AGBL4: variants seen among roughly 807,000 people sequenced by gnomAD.
AGBL4 encodes the protein cytosolic carboxypeptidase 6.
AGBL4 carries 58 observed loss-of-function variants against 66.4 expected under a neutral mutation model. The ratio of observed to expected loss-of-function variants is 0.87; its 90% CI spans 0.71 to 1.09. The LOEUF is 1.09. Ranked by LOEUF, AGBL4 falls within the 50% of genes least tolerant of loss-of-function variation. AGBL4 has a pLI of 0.00. For synonymous variants in AGBL4, 234 were observed against 222.9 expected (o/e 1.05, Z -0.44); for missense variants, 579 against 631.0 (o/e 0.92, Z 0.88).
At chr1:48,536,696 T>G (rs991444009) in intron 12 of AGBL4, among the ~76,000 whole-genome samples, 2 of 152,220 alleles carry the variant, frequency 1.3e-5, no homozygotes, top group Non-Finnish European at 2.9e-5. Context: ...TGCCAGCCTG[T>G]GACTAAGCCT....
chr1:49,851,890 A>C (rs1041345064), intron 1 of AGBL4, among the ~76,000 whole-genome samples: 4 of 152,176 alleles, frequency 2.6e-5, no homozygotes, highest in African/African-American at 9.6e-5. Flanking sequence ...TGCATCAACC[A>C]TTTAATATAT....
intron 5 of AGBL4, among the ~76,000 whole-genome samples, chr1:49,005,197 C>G (rs1661691112): frequency 6.6e-6 from 1 of 152,226 alleles, no homozygotes; most frequent in African/African-American, 2.4e-5. Flanking sequence ...AAGTCACATT[C>G]AACTCTGAAT....
chr1:48,759,662 T>C (rs995601818), intron 6 of AGBL4, among the ~76,000 whole-genome samples: 2 of 152,204 alleles, frequency 1.3e-5, no homozygotes, highest in Non-Finnish European at 2.9e-5. Flanking sequence ...GTGTTCAATA[T>C]GTATTTGTGG....
At chr1:49,077,037 A>C (rs1644724178) in intron 4 of AGBL4, among the ~76,000 whole-genome samples, 1 of 152,044 alleles carries the variant, frequency 6.6e-6, no homozygotes, top group African/African-American at 2.4e-5. Context: ...AATTCCCTAC[A>C]ATTTTCCTAA....
intron 3 of AGBL4, among the ~76,000 whole-genome samples, chr1:49,304,070 T>C (rs1274753272): frequency 1.3e-5 from 2 of 152,200 alleles, no homozygotes; most frequent in Admixed American, 6.5e-5. Context: ...ATGTCCTGCA[T>C]GGTATTGCCT....
chr1:49,013,924 A>G (rs1479281525), intron 5 of AGBL4, among the ~76,000 whole-genome samples: 1 of 152,108 alleles, frequency 6.6e-6, no homozygotes, highest in Admixed American at 6.6e-5. Flanking sequence ...AGCCATTTCT[A>G]TTTGTCCACC....
At chr1:49,916,060 C>T (rs538051486) in intron 1 of AGBL4, among the ~76,000 whole-genome samples, 4 of 152,222 alleles carry the variant, frequency 2.6e-5, no homozygotes, top group East Asian at 1.9e-4. Context: ...ACAGAAAGGA[C>T]ATCCACACCA....
intron 3 of AGBL4, among the ~76,000 whole-genome samples, chr1:49,681,060 C>T (rs1290474598): frequency 1.3e-5 from 2 of 152,044 alleles, no homozygotes; most frequent in African/African-American, 2.4e-5. Context: ...AAAATTTCCA[C>T]GTGGTTGTTC....
chr1:49,745,758 G>A (rs1650935793), intron 2 of AGBL4, among the ~76,000 whole-genome samples: 1 of 151,700 alleles, frequency 6.6e-6, no homozygotes, highest in South Asian at 2.1e-4. Flanking sequence ...AAAACTGTCA[G>A]AACTGAAAAG....
At chr1:49,609,677 G>A (rs1015570664) in intron 3 of AGBL4, among the ~76,000 whole-genome samples, 1 of 151,932 alleles carries the variant, frequency 6.6e-6, no homozygotes, top group Admixed American at 6.6e-5. Context: ...CCTGGGAGTC[G>A]ACATACATAT....
At chr1:49,354,705 T>C (rs1247424527) in intron 3 of AGBL4, among the ~76,000 whole-genome samples, 2 of 152,214 alleles carry the variant, frequency 1.3e-5, no homozygotes, top group Non-Finnish European at 2.9e-5. Flanking sequence ...TACCATAGGC[T>C]AGTTGATATA....
chr1:48,817,870 T>G lies in AGBL4; in HGVS notation c.634+49321A>C, dbSNP rs1202160107. The G allele has an allele frequency of 6.6e-6, 4 of 606,612 alleles. No homozygotes were observed. The African/African-American group carries it at 7.4e-5, about 11-fold the overall frequency. 37.6% of individuals were successfully genotyped at this position (606,612 alleles called of 1,614,324 possible). ...CCCCTTCCCAGTGTGTGTTTTTGTG[T>G]GCTTGCAGATGCACCTGGGAGATGC... On this transcript the variant is annotated intron_variant, in intron 6 of 13. Coordinates refer to ENST00000371839, the MANE Select transcript of AGBL4 (RefSeq NM_032785.4).
chr1:49,710,847 C>A (rs77671129), intron 2 of AGBL4, among the ~76,000 whole-genome samples: 1 of 151,436 alleles, frequency 6.6e-6, no homozygotes, highest in Non-Finnish European at 1.5e-5. Flanking sequence ...AGAAAAAGAA[C>A]GTGTATCTTG....
intron 3 of AGBL4, among the ~76,000 whole-genome samples, chr1:49,509,042 T>C (rs555526654): frequency 6.6e-6 from 1 of 151,856 alleles, no homozygotes; most frequent in Admixed American, 6.6e-5. Context: ...AACTATGATA[T>C]TATAATACAT....
At chr1:49,652,667 C>A (rs1159479256) in intron 3 of AGBL4, among the ~76,000 whole-genome samples, 1 of 152,144 alleles carries the variant, frequency 6.6e-6, no homozygotes, top group Non-Finnish European at 1.5e-5. Context: ...CAAGACTGGG[C>A]AATTTGGACA....
intron 7 of AGBL4, among the ~76,000 whole-genome samples, chr1:48,658,736 C>A (rs1247425214): frequency 6.6e-6 from 1 of 152,084 alleles, no homozygotes; most frequent in Non-Finnish European, 1.5e-5. Flanking sequence ...GGGAGGAAAG[C>A]AGAATGGGGG....
At chr1:49,643,513 G>GA (rs1281311546) in intron 3 of AGBL4, among the ~76,000 whole-genome samples, 1 of 150,642 alleles carries the variant, frequency 6.6e-6, no homozygotes, top group Admixed American at 6.6e-5. Context: ...AAAAAAAACA[G>GA]AAAAAAACAC....
At chr1:49,843,032 A>G (rs1453418006) in intron 2 of AGBL4, among the ~76,000 whole-genome samples, 1 of 152,192 alleles carries the variant, frequency 6.6e-6, no homozygotes, top group Non-Finnish European at 1.5e-5. Context: ...ATCCCAGCCC[A>G]CTGACAGGCA....
chr1:48,938,426 G>A (rs1332679049), intron 5 of AGBL4, among the ~76,000 whole-genome samples: 1 of 152,106 alleles, frequency 6.6e-6, no homozygotes, highest in East Asian at 1.9e-4. Context: ...CTATAAAGGG[G>A]GGAACACAGC....
Sources: gnomAD v4.1 joint callset for allele counts (sites outside exome capture counted in the v4.1 genomes callset) on GRCh38, gnomAD v4.1.1 for gene constraint, MANE v1.5 for transcripts, NCBI Gene and HGNC (gene_info 2026-07-23, HGNC 2026-07-21) for gene names.